Variants in DNAJC25 observed in about 807,000 individuals in gnomAD.
DNAJC25 encodes the protein DnaJ heat shock protein family (Hsp40) member C25.
In DNAJC25, 26 loss-of-function variants were observed where a neutral mutation model predicts 42.1. The observed-to-expected ratio is 0.62, with a 90% CI of 0.45 to 0.86. The LOEUF (loss-of-function observed/expected upper bound fraction) is 0.86. DNAJC25 is among the 40% of genes least tolerant of loss of function. The pLI, the probability that DNAJC25 is intolerant of heterozygous loss-of-function variation, is 0.00. For missense variants in DNAJC25, 404 were observed against 459.4 expected, an observed-to-expected ratio of 0.88 and a Z score of 1.10; for synonymous variants, 189 against 179.9, an observed-to-expected ratio of 1.05 and a Z score of -0.40.
chr9:111,640,073 A>AT (rs908448632), intron 1 of DNAJC25, among the ~76,000 whole-genome samples: 6 of 150,352 alleles, frequency 4.0e-5, no homozygotes, highest in African/African-American at 1.5e-4. Flanking sequence ...AATGCCTGCG[A>AT]TTGCAGGCAC....
chr9:111,642,738 A>G (rs1367811326), intron 1 of DNAJC25: 1 of 370,856 alleles, frequency 2.7e-6, no homozygotes, highest in African/African-American at 2.1e-5. Flanking sequence ...CAGGAACATA[A>G]TATATTTTTG....
Position 111,653,095 on chromosome 9 carries a change from T to C in DNAJC25, c.961-5T>C. ...GTGAAGTCATCTAGTTATTTATACT[T>C]ACAGGTCTACAAGCAAGAACAAGAG... On this transcript the variant is annotated splice_polypyrimidine_tract_variant and splice_region_variant and intron_variant, in intron 3 of 3. Coordinates refer to ENST00000313525, the MANE Select transcript of DNAJC25 (RefSeq NM_001015882.3). 1 of 1,588,224 alleles carries C rather than the reference T, an allele frequency of 6.3e-7. No homozygotes were observed. Among genetic ancestry groups the C allele is most frequent in the Non-Finnish European group, 8.6e-7 (1 of 1,166,410 alleles).
At chr9:111,640,886 G>A (rs1347464474) in intron 1 of DNAJC25, among the ~76,000 whole-genome samples, 1 of 110,620 alleles carries the variant, frequency 9.0e-6, no homozygotes, top group Non-Finnish European at 1.7e-5. Flanking sequence ...GAGGGAGGTG[G>A]GGGGTCAGCC....
At chr9:111,650,405 G>C (rs1236406896) in intron 3 of DNAJC25, among the ~76,000 whole-genome samples, 1 of 151,618 alleles carries the variant, frequency 6.6e-6, no homozygotes, top group Non-Finnish European at 1.5e-5. Context: ...GACATCTATA[G>C]AAAGTTACTT....
In DNAJC25 at chr9:111,631,393, C is replaced by T; in HGVS notation, c.-15C>T. Reference sequence around the variant, plus strand: ...CAGAATCGCTGGGGTGGCAGAGCCGCCAGCGAGGCTGGGGATGGGGGCGCC... The same window carrying T: ...CAGAATCGCTGGGGTGGCAGAGCCGTCAGCGAGGCTGGGGATGGGGGCGCC... On this transcript the variant is annotated 5_prime_UTR_variant, in exon 1 of 4. Transcript: ENST00000313525. 1.6e-6 allele frequency: 2 copies of T among 1,273,688 alleles called. No individual in the cohort carries two copies. Among genetic ancestry groups the T allele is most frequent in the African/African-American group, 1.5e-5 (1 of 64,562 alleles). 78.9% of individuals were successfully genotyped at this position (1,273,688 alleles called of 1,614,324 possible).
intron 2 of DNAJC25, among the ~76,000 whole-genome samples, chr9:111,647,920 A>G (rs1016791190): frequency 6.6e-6 from 1 of 152,164 alleles, no homozygotes; most frequent in Non-Finnish European, 1.5e-5. Flanking sequence ...CTGGGACTAC[A>G]GGCGCGCACC....
intron 1 of DNAJC25, among the ~76,000 whole-genome samples, chr9:111,637,254 A>G (rs1208392959): frequency 1.3e-5 from 2 of 152,206 alleles, no homozygotes; most frequent in Non-Finnish European, 2.9e-5. Context: ...ATACTGGAAC[A>G]TAGTTTGGGA....
Position 111,649,933 on chromosome 9 carries a change from C to T in DNAJC25, c.960+10C>T. On this transcript the variant is annotated intron_variant, in intron 3 of 3. Coordinates refer to ENST00000313525, the MANE Select transcript of DNAJC25 (RefSeq NM_001015882.3). ...CAAGGAGAATTATGAGGTGAGTAGT[C>T]ACCCTGCTGTGATTTAAGTGTCATC... 6.5e-7 allele frequency: 1 copy of T among 1,542,630 alleles called. No homozygotes were observed. Among genetic ancestry groups the T allele is most frequent in the African/African-American group, 1.4e-5 (1 of 72,302 alleles).
At chr9:111,644,102 C>T (rs1830529202) in intron 1 of DNAJC25, among the ~76,000 whole-genome samples, 1 of 152,150 alleles carries the variant, frequency 6.6e-6, no homozygotes, top group Admixed American at 6.5e-5. Flanking sequence ...TGAATAAATG[C>T]TGTAACGAGG....
rs777750152 is a variant in DNAJC25 at position 111,649,569 on chromosome 9, A to G, written c.606A>G (p.Lys202=). 3.1e-6 allele frequency: 5 copies of G among 1,614,034 alleles called. No homozygotes were observed. The highest frequency in any genetic ancestry group is 4.2e-6 in the Non-Finnish European group (5 of 1,180,014). The change falls in exon 3 of 4, where the codon AAA becomes AAG. Residue 202 remains lysine, a synonymous_variant. Coordinates refer to ENST00000313525, the MANE Select transcript of DNAJC25 (RefSeq NM_001015882.3). ...AKQQGLLKKA[K]EKGKNKKSKE... is the part of the protein sequence containing the mutation. ...AGCAGGGACTGCTCAAAAAAGCCAA[A>G]GAAAAAGGCAAAAACAAAAAGTCCA...
intron 3 of DNAJC25, 113 bp downstream of exon 3, chr9:111,650,036 T>A: frequency 9.9e-7 from 1 of 1,011,760 alleles, no homozygotes; most frequent in Non-Finnish European, 1.4e-6. Context: ...ATCCTAGAGT[T>A]AAACAATTAG....
At chr9:111,641,336 C>T (rs1830458876) in intron 1 of DNAJC25, among the ~76,000 whole-genome samples, 1 of 146,694 alleles carries the variant, frequency 6.8e-6, no homozygotes, top group African/African-American at 2.5e-5. Flanking sequence ...GCCAGCCGCC[C>T]CATCCGGGAG....
intron 1 of DNAJC25, chr9:111,643,025 G>A: frequency 2.3e-6 from 1 of 432,774 alleles, no homozygotes; most frequent in Non-Finnish European, 4.9e-6. Context: ...GAAAGAAGTT[G>A]GAATCTCCAG....
Position 111,631,390 on chromosome 9 carries a change from C to T in DNAJC25, c.-18C>T. ...CTGCAGAATCGCTGGGGTGGCAGAG[C>T]CGCCAGCGAGGCTGGGGATGGGGGC... On this transcript the variant is annotated 5_prime_UTR_variant, in exon 1 of 4. Transcript: ENST00000313525. The T allele has an allele frequency of 7.9e-7, 1 of 1,273,046 alleles. No individual in the cohort carries two copies. The highest frequency in any genetic ancestry group is 9.9e-7 in the Non-Finnish European group (1 of 1,013,564). The allele number at this position is 1,273,046 out of a possible 1,614,324, so 78.9% of individuals were successfully genotyped here. A position where few individuals can be genotyped will look rare whatever the true frequency, so the allele number is the denominator to read the frequency against.
intron 1 of DNAJC25, among the ~76,000 whole-genome samples, chr9:111,646,005 T>C (rs1830563390): frequency 6.6e-6 from 1 of 152,212 alleles, no homozygotes; most frequent in South Asian, 2.1e-4. Context: ...ACTCCTGGGC[T>C]GAAGCAATCC....
chr9:111,632,689 CTTT>C (rs11300589), intron 1 of DNAJC25, among the ~76,000 whole-genome samples: 11 of 146,528 alleles, frequency 7.5e-5, no homozygotes, highest in East Asian at 5.9e-4. Flanking sequence ...CTTTTCTAGC[CTTT>C]TTTTTTTTTT....
chr9:111,652,901 A>T (rs149901453), intron 3 of DNAJC25, among the ~76,000 whole-genome samples, 199 bp from the exon 4 acceptor site: 2 of 151,236 alleles, frequency 1.3e-5, no homozygotes, highest in African/African-American at 4.9e-5. Flanking sequence ...ACTGAATGTT[A>T]AAATGGTAAA....
intron 1 of DNAJC25, among the ~76,000 whole-genome samples, chr9:111,638,090 G>A (rs1371701053): frequency 1.3e-5 from 2 of 152,104 alleles, no homozygotes; most frequent in South Asian, 2.1e-4. Flanking sequence ...ACAGGTACCC[G>A]CAATTAAACA....
At chr9:111,644,467 C>T (rs990362327) in intron 1 of DNAJC25, among the ~76,000 whole-genome samples, 19 of 152,158 alleles carry the variant, frequency 1.2e-4, no homozygotes, top group Admixed American at 1.1e-3. Context: ...ATGATATCTA[C>T]GTTCTGTAGA....
Sources: gnomAD v4.1 joint callset for allele counts (sites outside exome capture counted in the v4.1 genomes callset) on GRCh38, gnomAD v4.1.1 for gene constraint, MANE v1.5 for transcripts, NCBI Gene and HGNC (gene_info 2026-07-23, HGNC 2026-07-21) for gene names.